The following CTNNA3 variants were observed in gnomAD, a reference collection of about 807,000 sequenced individuals.
The protein encoded by CTNNA3 is catenin alpha 3, also known as catenin alpha-3.
CTNNA3 carries 76 observed loss-of-function variants against 95.7 expected under a neutral mutation model. That is an observed-to-expected ratio of 0.79 (90% CI 0.66 to 0.96). The LOEUF (loss-of-function observed/expected upper bound fraction) is 0.96. Among genes scored for constraint, CTNNA3 ranks in the 40% least tolerant of loss-of-function variants. The pLI is 0.00. For missense variants in CTNNA3, 1,191 were observed against 1,089.8 expected, an observed-to-expected ratio of 1.09 and a Z score of -1.31; for synonymous variants, 431 against 374.4, an observed-to-expected ratio of 1.15 and a Z score of -1.74.
At chr10:67,381,335 T>C (rs920099507) in intron 5 of CTNNA3, among the ~76,000 whole-genome samples, 2 of 152,292 alleles carry the variant, frequency 1.3e-5, no homozygotes, top group Non-Finnish European at 1.5e-5. Flanking sequence ...CTCTATAAAT[T>C]CAATCTTCTT....
At chr10:66,694,599 C>A (rs1376591132) in intron 9 of CTNNA3, among the ~76,000 whole-genome samples, 1 of 152,122 alleles carries the variant, frequency 6.6e-6, no homozygotes, top group Non-Finnish European at 1.5e-5. Flanking sequence ...GGAATCCTCC[C>A]TAACTCATTT....
chr10:66,357,685 T>G (rs2092621649), intron 12 of CTNNA3, among the ~76,000 whole-genome samples: 1 of 152,298 alleles, frequency 6.6e-6, no homozygotes, highest in African/African-American at 2.4e-5. Context: ...GTATGTATCA[T>G]ACTTTATTAT....
intron 17 of CTNNA3, among the ~76,000 whole-genome samples, chr10:65,927,049 T>A (rs965956866): frequency 6.6e-6 from 1 of 152,184 alleles, no homozygotes; most frequent in Non-Finnish European, 1.5e-5. Context: ...CTTTTTCATT[T>A]TTTTTAATTT....
At chr10:67,544,033 T>C (rs1840763983) in intron 3 of CTNNA3, among the ~76,000 whole-genome samples, 1 of 152,146 alleles carries the variant, frequency 6.6e-6, no homozygotes, top group South Asian at 2.1e-4. Flanking sequence ...GAAAACCTTA[T>C]CATGGCAGGT....
chr10:66,114,558 T>A (rs1050383293), intron 13 of CTNNA3, among the ~76,000 whole-genome samples: 4 of 151,664 alleles, frequency 2.6e-5, no homozygotes, highest in Non-Finnish European at 5.9e-5. Flanking sequence ...CGTGTATGTG[T>A]GTGAGAAAGA....
At chr10:67,684,206 CA>C (rs1564827486) in intron 1 of CTNNA3, among the ~76,000 whole-genome samples, 1 of 152,214 alleles carries the variant, frequency 6.6e-6, no homozygotes. Context: ...GGCACGTTTA[CA>C]AACCTTTAGC....
At chr10:66,423,516 A>G (rs2093213753) in intron 11 of CTNNA3, among the ~76,000 whole-genome samples, 1 of 152,326 alleles carries the variant, frequency 6.6e-6, no homozygotes, top group African/African-American at 2.4e-5. Context: ...CAGCATGAAC[A>G]TAAACCACAA....
At chr10:66,943,043 C>A (rs1848093640) in intron 7 of CTNNA3, among the ~76,000 whole-genome samples, 1 of 152,134 alleles carries the variant, frequency 6.6e-6, no homozygotes, top group Non-Finnish European at 1.5e-5. Context: ...AATTTGGAGT[C>A]ACATTAATAG....
intron 15 of CTNNA3, among the ~76,000 whole-genome samples, chr10:65,989,198 C>CAT (rs1379223681): frequency 1.3e-5 from 2 of 152,188 alleles, no homozygotes; most frequent in Non-Finnish European, 2.9e-5. Flanking sequence ...CTCGGCCTCC[C>CAT]AAAGTGCTGG....
At chr10:66,277,573 T>C (rs2091421423) in intron 13 of CTNNA3, among the ~76,000 whole-genome samples, 2 of 152,134 alleles carry the variant, frequency 1.3e-5, no homozygotes, top group Non-Finnish European at 2.9e-5. Context: ...AGATTTTCAT[T>C]TACTTGCACC....
intron 16 of CTNNA3, among the ~76,000 whole-genome samples, chr10:65,988,268 T>C (rs1248251575): frequency 1.3e-5 from 2 of 152,044 alleles, no homozygotes; most frequent in Non-Finnish European, 2.9e-5. Context: ...TGTATACATG[T>C]ATAGAAATAT....
intron 17 of CTNNA3, among the ~76,000 whole-genome samples, chr10:65,939,160 C>T (rs1424746762): frequency 1.3e-5 from 2 of 152,254 alleles, no homozygotes; most frequent in Admixed American, 6.5e-5. Context: ...TCGCCTCGGC[C>T]TCTCAAAGTG....
At chr10:66,911,610 C>G (rs1030805323) in intron 7 of CTNNA3, among the ~76,000 whole-genome samples, 1 of 152,158 alleles carries the variant, frequency 6.6e-6, no homozygotes, top group Non-Finnish European at 1.5e-5. Flanking sequence ...CTAGGCTCTA[C>G]TCAAAGTCTT....
At position 66,230,672 on chromosome 10, in the gene CTNNA3, T is replaced by C. The variant is rs116774878; in HGVS notation, c.1884+49798A>G. Among the ~76,000 whole-genome samples, 483 of 152,222 alleles carry C rather than the reference T, an allele frequency of 3.2e-3. 3 individuals carry two copies. The highest frequency in any genetic ancestry group is 0.011 in the African/African-American group (462 of 41,542). On this transcript the variant is annotated intron_variant, in intron 13 of 17. Coordinates refer to ENST00000433211, the MANE Select transcript of CTNNA3 (RefSeq NM_013266.4). ...CCTCATGGGACAGTCCTCAAGTTTATGGAGAGCGTGCACAGTCTTGTGATG... is the reference window on the plus strand; with the variant it reads ...CCTCATGGGACAGTCCTCAAGTTTACGGAGAGCGTGCACAGTCTTGTGATG...
chr10:67,186,232 G>T (rs1862842246), intron 6 of CTNNA3, among the ~76,000 whole-genome samples: 1 of 152,142 alleles, frequency 6.6e-6, no homozygotes, highest in Admixed American at 6.6e-5. Flanking sequence ...TCTGTTTGCT[G>T]TAAGTACTGC....
intron 11 of CTNNA3, among the ~76,000 whole-genome samples, chr10:66,517,726 C>T (rs1421794401): frequency 6.6e-6 from 1 of 152,048 alleles, no homozygotes; most frequent in Non-Finnish European, 1.5e-5. Context: ...TTTCACTTTG[C>T]ATTGCAGACT....
intron 9 of CTNNA3, among the ~76,000 whole-genome samples, chr10:66,707,899 T>G (rs1303425807): frequency 2.0e-5 from 3 of 152,106 alleles, no homozygotes; most frequent in African/African-American, 4.8e-5. Flanking sequence ...ACTTAAACCT[T>G]TTCAAAATGT....
At chr10:66,681,752 A>C (rs913348948) in intron 9 of CTNNA3, among the ~76,000 whole-genome samples, 2 of 152,188 alleles carry the variant, frequency 1.3e-5, no homozygotes, top group Non-Finnish European at 2.9e-5. Flanking sequence ...GGTTTCTTTA[A>C]AAATTTCCTC....
chr10:66,591,655 G>A (rs564226964), intron 10 of CTNNA3, among the ~76,000 whole-genome samples: 2 of 152,022 alleles, frequency 1.3e-5, no homozygotes, highest in South Asian at 2.1e-4. Flanking sequence ...CTTTCCTGTG[G>A]TGGAATTTTA....
Sources: gnomAD v4.1 joint callset for allele counts (sites outside exome capture counted in the v4.1 genomes callset) on GRCh38, gnomAD v4.1.1 for gene constraint, MANE v1.5 for transcripts, NCBI Gene and HGNC (gene_info 2026-07-23, HGNC 2026-07-21) for gene names.